Variants in KCNJ6 observed in about 807,000 individuals in gnomAD.
KCNJ6 encodes potassium inwardly rectifying channel subfamily J member 6.
Under a neutral mutation model 34.2 loss-of-function variants are expected in KCNJ6, and 9 were observed. The ratio of observed to expected loss-of-function variants is 0.26; its 90% CI spans 0.16 to 0.46. The LOEUF (loss-of-function observed/expected upper bound fraction) is 0.46. KCNJ6 is among the 20% of genes least tolerant of loss of function. KCNJ6 has a pLI of 1.00. For synonymous variants in KCNJ6, 196 were observed against 207.1 expected (o/e 0.95, Z 0.46); for missense variants, 236 against 531.3 (o/e 0.44, Z 5.46).
At chr21:37,659,833 T>C (rs2054480208) in intron 3 of KCNJ6, among the ~76,000 whole-genome samples, 1 of 152,258 alleles carries the variant, frequency 6.6e-6, no homozygotes, top group African/African-American at 2.4e-5. Context: ...TGAGCAGTGA[T>C]TCAAAACCTT....
intron 3 of KCNJ6, among the ~76,000 whole-genome samples, chr21:37,654,178 G>A (rs2835870): frequency 0.15 from 21,143 of 144,692 alleles, 2,355 homozygotes; most frequent in African/African-American, 0.31. Context: ...ACAGTGGCTC[G>A]TTTGTTAGTT....
At chr21:37,818,783 A>G (rs1407659134) in intron 2 of KCNJ6, among the ~76,000 whole-genome samples, 5 of 152,196 alleles carry the variant, frequency 3.3e-5, no homozygotes, top group Non-Finnish European at 7.4e-5. Flanking sequence ...ATCCTCTTCT[A>G]CCTTTTCTTT....
At chr21:37,733,599 C>CT (rs965183477) in intron 2 of KCNJ6, among the ~76,000 whole-genome samples, 37 of 152,260 alleles carry the variant, frequency 2.4e-4, no homozygotes, top group Non-Finnish European at 4.4e-4. Context: ...AAAATATTCA[C>CT]TTTTTTAGGG....
chr21:37,889,195 T>C (rs1215019695), intron 1 of KCNJ6, among the ~76,000 whole-genome samples: 1 of 152,190 alleles, frequency 6.6e-6, no homozygotes, highest in Non-Finnish European at 1.5e-5. Context: ...TATGGGGGCT[T>C]GTGAGCTAAG....
intron 1 of KCNJ6, among the ~76,000 whole-genome samples, chr21:37,865,727 G>A (rs184037611): frequency 1.3e-5 from 2 of 152,254 alleles, no homozygotes; most frequent in African/African-American, 4.8e-5. Context: ...GTTTTTATGG[G>A]GTGGTTTATA....
chr21:37,814,409 C>A (rs1389877328), intron 2 of KCNJ6, among the ~76,000 whole-genome samples: 1 of 152,148 alleles, frequency 6.6e-6, no homozygotes, highest in Non-Finnish European at 1.5e-5. Context: ...ACCATATGAT[C>A]CAGCAATCCC....
In KCNJ6 at chr21:37,615,584, G is replaced by A. The variant is rs2054263950; in HGVS notation, c.*9575C>T. 6.6e-6 allele frequency: 1 copy of A among 152,166 alleles called. No homozygotes were observed. Among genetic ancestry groups the A allele is most frequent in the African/African-American group, 2.4e-5 (1 of 41,420 alleles). The allele number at this position is 152,166 out of a possible 1,614,324, so 9.4% of individuals were successfully genotyped here. On this transcript the variant is annotated 3_prime_UTR_variant, in exon 4 of 4. Transcript: ENST00000609713. Reference sequence around the variant, plus strand: ...CCAATATAGGGGAGTCTATTCTCAAGTTCAAAGCCAGATGGAAAATGGCAA... The same window carrying A: ...CCAATATAGGGGAGTCTATTCTCAAATTCAAAGCCAGATGGAAAATGGCAA...
At chr21:37,724,171 TG>T (rs2054841822) in intron 2 of KCNJ6, among the ~76,000 whole-genome samples, 1 of 152,156 alleles carries the variant, frequency 6.6e-6, no homozygotes, top group South Asian at 2.1e-4. Flanking sequence ...TTGAGTATTT[TG>T]AGTGTTTTAG....
chr21:37,720,755 C>T (rs369764224), intron 2 of KCNJ6, among the ~76,000 whole-genome samples: 18 of 149,176 alleles, frequency 1.2e-4, no homozygotes, highest in East Asian at 7.9e-4. Flanking sequence ...GGCCGGACTG[C>T]GGACTGCAGT....
At chr21:37,832,665 T>A (rs955094183) in intron 2 of KCNJ6, among the ~76,000 whole-genome samples, 1 of 152,130 alleles carries the variant, frequency 6.6e-6, no homozygotes, top group African/African-American at 2.4e-5. Flanking sequence ...CTGTCTGTCC[T>A]CAGGTCCCTG....
chr21:37,692,305 T>G (rs1269486606), intron 3 of KCNJ6, among the ~76,000 whole-genome samples: 1 of 152,006 alleles, frequency 6.6e-6, no homozygotes, highest in African/African-American at 2.4e-5. Context: ...CCCTTTACCC[T>G]TGAGAAAAAA....
At chr21:37,687,562 C>CT (rs1453605824) in intron 3 of KCNJ6, among the ~76,000 whole-genome samples, 1 of 152,108 alleles carries the variant, frequency 6.6e-6, no homozygotes, top group Non-Finnish European at 1.5e-5. Context: ...CGTGTTTGGG[C>CT]TTTTTTTCTT....
At position 37,697,179 on chromosome 21, in the gene KCNJ6, C is replaced by T. The variant is rs140182194; in HGVS notation, c.946+17032G>A. ...TTGACCACCGTGTGGCTTAATTCTG[C>T]CTGGAGAAATGTCATTGACATGGGG... On this transcript the variant is annotated intron_variant, in intron 3 of 3. Coordinates refer to ENST00000609713, the MANE Select transcript of KCNJ6 (RefSeq NM_002240.5). Among the ~76,000 whole-genome samples, 187 of 152,208 alleles carry T rather than the reference C, an allele frequency of 1.2e-3. 1 individual carries two copies. The highest frequency in any genetic ancestry group is 4.0e-3 in the African/African-American group (166 of 41,532).
intron 2 of KCNJ6, among the ~76,000 whole-genome samples, chr21:37,789,944 C>T (rs958709738): frequency 2.6e-5 from 4 of 152,202 alleles, no homozygotes; most frequent in East Asian, 3.9e-4. Context: ...CTTCAAAGGC[C>T]GCTACATACC....
At position 37,607,482 on chromosome 21, in the gene KCNJ6, A is replaced by ATATATATATATATATATATTTT; in HGVS notation, c.*17676_*17677insAAAATATATATATATATATATA. On this transcript the variant is annotated 3_prime_UTR_variant, in exon 4 of 4. Coordinates refer to ENST00000609713, the MANE Select transcript of KCNJ6 (RefSeq NM_002240.5). ...CTTAAAGATATATATATATATATAT[A>ATATATATATATATATATATTTT]TTTTTTTTTTATTTTAAAAAAATTT... 84 of 136,724 alleles carry ATATATATATATATATATATTTT rather than the reference A, an allele frequency of 6.1e-4. No individual in the cohort carries two copies. Among genetic ancestry groups the ATATATATATATATATATATTTT allele is most frequent in the East Asian group, 2.1e-3 (9 of 4,368 alleles). 8.5% of individuals were successfully genotyped at this position (136,724 alleles called of 1,614,324 possible).
intron 1 of KCNJ6, among the ~76,000 whole-genome samples, chr21:37,914,010 T>G (rs3061063): frequency 3.8e-4 from 40 of 106,588 alleles, no homozygotes; most frequent in East Asian, 8.4e-4. Context: ...CGGATCGGGG[T>G]GTGTGTGTGT....
At chr21:37,702,640 T>C (rs2054697509) in intron 3 of KCNJ6, among the ~76,000 whole-genome samples, 2 of 152,086 alleles carry the variant, frequency 1.3e-5, no homozygotes, top group Admixed American at 6.5e-5. Flanking sequence ...GTACTGAAGA[T>C]AGAAATTTAG....
At chr21:37,661,614 G>GTTCTTTTTTTTTTTTTTTTTTTTTTTTTT (rs766622814) in intron 3 of KCNJ6, among the ~76,000 whole-genome samples, 1 of 71,172 alleles carries the variant, frequency 1.4e-5, no homozygotes, top group African/African-American at 5.4e-5. Flanking sequence ...AAGAGACATA[G>GTTCTTTTTTTTTTTTTTTTTTTTTTTTTT]TTTTTTTTTT....
intron 1 of KCNJ6, among the ~76,000 whole-genome samples, chr21:37,853,973 A>G (rs982983471): frequency 6.6e-6 from 1 of 151,098 alleles, no homozygotes; most frequent in Non-Finnish European, 1.5e-5. Flanking sequence ...TCAAAGTTGA[A>G]TTTTAGAAAA....
Sources: gnomAD v4.1 joint callset for allele counts (sites outside exome capture counted in the v4.1 genomes callset) on GRCh38, gnomAD v4.1.1 for gene constraint, MANE v1.5 for transcripts, NCBI Gene and HGNC (gene_info 2026-07-23, HGNC 2026-07-21) for gene names.